The following ABCC1 variants were observed in gnomAD, a reference collection of about 807,000 sequenced individuals.
ABCC1 encodes the protein ATP binding cassette subfamily C member 1 (ABCC1 blood group).
Under a neutral mutation model 172.9 loss-of-function variants are expected in ABCC1, and 83 were observed. The ratio of observed to expected loss-of-function variants is 0.48; its 90% confidence interval spans 0.40 to 0.58. The LOEUF (loss-of-function observed/expected upper bound fraction) is 0.58. Among genes scored for constraint, ABCC1 ranks in the 20% least tolerant of loss-of-function variants. The pLI, the probability that ABCC1 is intolerant of heterozygous loss-of-function variation, is 0.00. For missense variants in ABCC1, 1,817 were observed against 2,002.7 expected, an observed-to-expected ratio of 0.91 and a Z score of 1.77; for synonymous variants, 937 against 825.2, an observed-to-expected ratio of 1.14 and a Z score of -2.32.
intron 5 of ABCC1, among the ~76,000 whole-genome samples, chr16:16,032,284 T>TG (rs1241133578): frequency 2.0e-5 from 3 of 152,180 alleles, no homozygotes; most frequent in Admixed American, 1.3e-4. Context: ...TTCTTTTAAC[T>TG]GCAAAACAGG....
intron 2 of ABCC1, among the ~76,000 whole-genome samples, chr16:16,009,142 A>G (rs1418066575): frequency 6.6e-6 from 1 of 151,938 alleles, no homozygotes; most frequent in Non-Finnish European, 1.5e-5. Flanking sequence ...AATTTTTTGT[A>G]GAGACAGGGT....
chr16:16,138,437 G>T lies in ABCC1; in HGVS notation c.4366G>T (p.Ala1456Ser). The T allele has an allele frequency of 6.2e-7, 1 of 1,612,642 alleles. No homozygotes were observed. The change falls in exon 30 of 31, where the codon GCC becomes TCC. Residue 1456 changes from alanine to serine, a missense_variant. Coordinates refer to ENST00000399410, the MANE Select transcript of ABCC1 (RefSeq NM_004996.4). ...RKTKILVLDE[A>S]TAAVDLETDD... ...GACGAAGATCCTTGTGTTGGATGAG[G>T]CCACGGCAGCCGTGGACCTGGAAAC...
At chr16:15,954,649 C>A (rs2045947404) in intron 1 of ABCC1, among the ~76,000 whole-genome samples, 1 of 152,184 alleles carries the variant, frequency 6.6e-6, no homozygotes, top group African/African-American at 2.4e-5. Context: ...GGAGCCACTG[C>A]AGCCACAGGG....
intron 18 of ABCC1, 40 bp from the exon 19 acceptor site, chr16:16,090,365 C>T: frequency 6.5e-7 from 1 of 1,536,428 alleles, no homozygotes; most frequent in Non-Finnish European, 8.8e-7. Flanking sequence ...CAGTCTCACA[C>T]ATGTGCACTC....
At chr16:15,958,241 G>A (rs1242428766) in intron 1 of ABCC1, among the ~76,000 whole-genome samples, 1 of 152,158 alleles carries the variant, frequency 6.6e-6, no homozygotes, top group Non-Finnish European at 1.5e-5. Flanking sequence ...GAGTAGCTGG[G>A]ATTACAGGCC....
At chr16:16,069,564 A>G (rs2050253187) in intron 13 of ABCC1, among the ~76,000 whole-genome samples, 1 of 151,900 alleles carries the variant, frequency 6.6e-6, no homozygotes, top group African/African-American at 2.4e-5. Context: ...CCCTTTTGAA[A>G]ACTCCATTTT....
At chr16:16,036,787 T>G (rs965858238) in intron 7 of ABCC1, among the ~76,000 whole-genome samples, 184 bp downstream of exon 7, 22 of 152,158 alleles carry the variant, frequency 1.4e-4, no homozygotes, top group South Asian at 1.2e-3. Flanking sequence ...GGATCTCACA[T>G]GTCATTAAAG....
chr16:16,012,513 A>G lies in ABCC1; in HGVS notation c.352-1978A>G, dbSNP rs536545820. Among the ~76,000 whole-genome samples the G allele has an allele frequency of 3.8e-3, 544 of 141,376 alleles. 3 individuals are homozygous for G. Among genetic ancestry groups the G allele is most frequent in the Middle Eastern group, 0.015 (4 of 270 alleles). 92.7% of individuals were successfully genotyped at this position (141,376 alleles called of 152,430 possible). On this transcript the variant is annotated intron_variant, in intron 3 of 30. Coordinates refer to ENST00000399410, the MANE Select transcript of ABCC1 (RefSeq NM_004996.4). Reference sequence around the variant, plus strand: ...TTTTTTTTTTTTTTTCAATTTCACTATAATAGAGACAGGGTCTTTCCATGT... The same window carrying G: ...TTTTTTTTTTTTTTTCAATTTCACTGTAATAGAGACAGGGTCTTTCCATGT...
chr16:15,964,284 G>C (rs2046198730), intron 1 of ABCC1, among the ~76,000 whole-genome samples: 1 of 152,018 alleles, frequency 6.6e-6, no homozygotes. Context: ...TGAATGCTTT[G>C]CTGCTTAGTA....
intron 1 of ABCC1, among the ~76,000 whole-genome samples, chr16:15,958,117 T>A (rs977520789): frequency 6.6e-6 from 1 of 152,036 alleles, no homozygotes; most frequent in Admixed American, 6.6e-5. Flanking sequence ...TTTTATATTA[T>A]TTTTTTGAGA....
chr16:16,132,196 G>T (rs960162316), intron 27 of ABCC1, among the ~76,000 whole-genome samples: 5 of 151,830 alleles, frequency 3.3e-5, no homozygotes, highest in African/African-American at 7.3e-5. Flanking sequence ...AAGATTTTTT[G>T]TTGTTGTTGT....
chr16:15,974,707 C>A (rs933040451), intron 1 of ABCC1, among the ~76,000 whole-genome samples: 1 of 152,156 alleles, frequency 6.6e-6, no homozygotes, highest in Non-Finnish European at 1.5e-5. Flanking sequence ...TCGAGAGACA[C>A]AGACAAATAT....
At chr16:15,972,496 C>T (rs939788349) in intron 1 of ABCC1, among the ~76,000 whole-genome samples, 1 of 152,164 alleles carries the variant, frequency 6.6e-6, no homozygotes, top group Non-Finnish European at 1.5e-5. Flanking sequence ...ATGGCTGCTA[C>T]AGCCCTAGGC....
chr16:15,978,135 C>G (rs1034654106), intron 1 of ABCC1, among the ~76,000 whole-genome samples: 1 of 152,028 alleles, frequency 6.6e-6, no homozygotes, highest in Admixed American at 6.6e-5. Flanking sequence ...TTTGGGAGGC[C>G]GAGCAGGGAG....
intron 19 of ABCC1, among the ~76,000 whole-genome samples, chr16:16,096,113 A>G (rs527822738): frequency 8.6e-5 from 13 of 152,042 alleles, no homozygotes; most frequent in Non-Finnish European, 8.8e-5. Context: ...CTAAAAATAC[A>G]GAAATGTCAG....
At chr16:16,043,181 T>C (rs1220184608) in intron 7 of ABCC1, among the ~76,000 whole-genome samples, 1 of 149,666 alleles carries the variant, frequency 6.7e-6, no homozygotes, top group African/African-American at 2.5e-5. Context: ...AATTTTTTTT[T>C]AGAAATAGGG....
chr16:15,957,507 G>A (rs141577998), intron 1 of ABCC1, among the ~76,000 whole-genome samples: 45 of 152,270 alleles, frequency 3.0e-4, no homozygotes, highest in African/African-American at 1.1e-3. Context: ...AGTGTTTGAG[G>A]TATGAGTTCC....
chr16:16,026,948 T>C (rs979400956), intron 5 of ABCC1, among the ~76,000 whole-genome samples: 2 of 152,016 alleles, frequency 1.3e-5, no homozygotes, highest in East Asian at 3.9e-4. Context: ...TGTGCAGTGT[T>C]CTGTCTGTCA....
At chr16:16,023,743 G>C (rs2048274868) in intron 5 of ABCC1, among the ~76,000 whole-genome samples, 1 of 152,188 alleles carries the variant, frequency 6.6e-6, no homozygotes, top group African/African-American at 2.4e-5. Context: ...CCCTGACTCA[G>C]CCTGGGGCTC....
Sources: gnomAD v4.1 joint callset for allele counts (sites outside exome capture counted in the v4.1 genomes callset) on GRCh38, gnomAD v4.1.1 for gene constraint, MANE v1.5 for transcripts, NCBI Gene and HGNC (gene_info 2026-07-23, HGNC 2026-07-21) for gene names.